Variants in CTNNA2 observed in about 807,000 individuals in gnomAD.
CTNNA2 encodes catenin alpha-2.
Under a neutral mutation model 101.0 loss-of-function variants are expected in CTNNA2, and 42 were observed. That is an observed-to-expected ratio of 0.42 (90% confidence interval 0.32 to 0.54). The LOEUF is 0.54. Ranked by LOEUF, CTNNA2 falls within the 20% of genes least tolerant of loss-of-function variation. The probability of loss-of-function intolerance (pLI) is 0.14; values close to 1 mark genes in which losing one functional copy is unlikely to be tolerated. For synonymous variants in CTNNA2, 450 were observed against 456.4 expected (o/e 0.99, Z 0.18); for missense variants, 871 against 1,223.1 (o/e 0.71, Z 4.29).
At chr2:79,338,811 C>T (rs2104426188) in intron 3 of CTNNA2, among the ~76,000 whole-genome samples, 1 of 152,060 alleles carries the variant, frequency 6.6e-6, no homozygotes, top group South Asian at 2.1e-4. Context: ...GTAAAATCAA[C>T]AGGATTTGGT....
intron 7 of CTNNA2, among the ~76,000 whole-genome samples, chr2:80,115,629 G>A (rs532355469): frequency 4.6e-5 from 7 of 152,268 alleles, no homozygotes; most frequent in East Asian, 3.9e-4. Context: ...CATGAATAAC[G>A]TGGTGTGCAC....
In CTNNA2 at chr2:80,209,955, A is replaced by C. The variant is rs2149033296; in HGVS notation, c.1057-183256A>C. ...AATGTAGAAAATGAATATCTTCAGTAATCCTATTTCCTAAGATAACTGCTG... is the reference window on the plus strand; with the variant it reads ...AATGTAGAAAATGAATATCTTCAGTCATCCTATTTCCTAAGATAACTGCTG... On this transcript the variant is annotated intron_variant, in intron 7 of 18. Coordinates refer to ENST00000402739, the MANE Select transcript of CTNNA2 (RefSeq NM_001282597.3). Among the ~76,000 whole-genome samples the C allele has an allele frequency of 2.0e-5, 3 of 152,368 alleles. 1 individual carries two copies. In the Middle Eastern group the frequency reaches 0.01, roughly 525 times the overall value.
intron 4 of CTNNA2, among the ~76,000 whole-genome samples, chr2:79,455,460 C>G (rs1670810250): frequency 6.6e-6 from 1 of 152,122 alleles, no homozygotes; most frequent in South Asian, 2.1e-4. Context: ...TCAGGCCACC[C>G]TCTCTCCACA....
intron 16 of CTNNA2, 109 bp downstream of exon 16, chr2:80,604,288 A>T: frequency 1.3e-6 from 1 of 782,894 alleles, no homozygotes; most frequent in Non-Finnish European, 2.2e-6. Context: ...AGAATGAATC[A>T]GAGGGGAGAA....
intron 9 of CTNNA2, among the ~76,000 whole-genome samples, chr2:80,423,403 A>G (rs1266787853): frequency 6.6e-6 from 1 of 152,220 alleles, no homozygotes; most frequent in Non-Finnish European, 1.5e-5. Context: ...TGGGTCCAAT[A>G]TACTCAAAAC....
intron 7 of CTNNA2, among the ~76,000 whole-genome samples, chr2:80,306,067 A>G (rs184936708): frequency 1.3e-5 from 2 of 152,338 alleles, no homozygotes; most frequent in Non-Finnish European, 2.9e-5. Context: ...AGGCCAACCA[A>G]TGGAATCAAA....
intron 4 of CTNNA2, among the ~76,000 whole-genome samples, chr2:79,463,332 C>A (rs1341469153): frequency 6.7e-6 from 1 of 150,054 alleles, no homozygotes; most frequent in African/African-American, 2.5e-5. Context: ...AGCTTGAACC[C>A]AGGAGGTGGA....
chr2:79,218,340 TG>T (rs1674294831), intron 2 of CTNNA2, among the ~76,000 whole-genome samples: 1 of 80,558 alleles, frequency 1.2e-5, no homozygotes, highest in Non-Finnish European at 2.7e-5. Flanking sequence ...TGTGTGTGTG[TG>T]TGTGTGTGTA....
intron 3 of CTNNA2, among the ~76,000 whole-genome samples, chr2:79,339,072 A>T (rs1044444021): frequency 6.6e-6 from 1 of 152,120 alleles, no homozygotes; most frequent in Non-Finnish European, 1.5e-5. Context: ...CTTGGAAATC[A>T]CTCACGTGGA....
At chr2:79,729,009 G>A (rs886662281) in intron 2 of CTNNA2, among the ~76,000 whole-genome samples, 1 of 152,050 alleles carries the variant, frequency 6.6e-6, no homozygotes, top group Non-Finnish European at 1.5e-5. Flanking sequence ...GTCAGGTAGC[G>A]TGATGCTATA....
In CTNNA2 at chr2:80,569,633, GTTTTTTTTTTTTTT is replaced by G. The variant is rs70940088; in HGVS notation, c.1742-4516_1742-4503del. 2.7e-4 allele frequency among the ~76,000 whole-genome samples: 14 copies of G among 51,736 alleles called. 2 individuals carry two copies. In the South Asian group the frequency reaches 3.5e-3, roughly 13 times the overall value. 33.9% of individuals were successfully genotyped at this position (51,736 alleles called of 152,430 possible). On this transcript the variant is annotated intron_variant, in intron 12 of 18. Coordinates refer to ENST00000402739, the MANE Select transcript of CTNNA2 (RefSeq NM_001282597.3). The stretch of plus-strand genomic sequence containing the variant: ...TCAGTATTACTTTTGGGGTATTTAG[GTTTTTTTTTTTTTT>G]TTTTTTTTTTTTTGAGATGGAGTCT...
At chr2:79,515,143 C>T (rs1371847179) in intron 1 of CTNNA2, among the ~76,000 whole-genome samples, 1 of 152,152 alleles carries the variant, frequency 6.6e-6, no homozygotes, top group East Asian at 1.9e-4. Flanking sequence ...ACTCTTCAGC[C>T]ATGTAACTAA....
chr2:80,028,819 T>C (rs920738875), intron 7 of CTNNA2, among the ~76,000 whole-genome samples: 1 of 152,210 alleles, frequency 6.6e-6, no homozygotes, highest in African/African-American at 2.4e-5. Flanking sequence ...GCAGATGGCC[T>C]CTAGAAGTGC....
At chr2:80,043,073 TTCTTTCTTTCTTTCTTTCTTTCTCTCTC>T (rs1399442169) in intron 7 of CTNNA2, among the ~76,000 whole-genome samples, 4,805 of 58,232 alleles carry the variant, frequency 0.083, 285 homozygotes, top group African/African-American at 0.098. Flanking sequence ...CTTTCTTTCT[TTCTTTCTTTCTTTCTTTCTTTCTCTCTC>T]TCTCTCTCTC....
chr2:79,870,869 A>G (rs1049515504), intron 5 of CTNNA2, among the ~76,000 whole-genome samples: 1 of 152,072 alleles, frequency 6.6e-6, no homozygotes, highest in Non-Finnish European at 1.5e-5. Flanking sequence ...ACACATGGGG[A>G]TTATAGGTCC....
At position 80,619,182 on chromosome 2, in the gene CTNNA2, G is replaced by A. The variant is rs969695905; in HGVS notation, c.2528G>A (p.Cys843Tyr). The change falls in exon 18 of 19, where the codon TGT becomes TAT. Residue 843 changes from cysteine to tyrosine, a missense_variant. Physicochemically the swap from Cys to Tyr is radical, Grantham distance 194. This residue lies in a region of CTNNA2 where 65 missense variants were observed against 53.3 expected (regional missense o/e 1.22). Transcript: ENST00000402739. ...ASQLSTHLPTCAEGAPIGSGS... is the reference protein window; with the variant it reads ...ASQLSTHLPTYAEGAPIGSGS... ...CAACTTTCTACCCACCTCCCAACCT[G>A]TGCTGAGGGAGCTCCGATCGGGAGT... The A allele has an allele frequency of 6.3e-7, 1 of 1,587,058 alleles. No homozygotes were observed. The highest frequency in any genetic ancestry group is 8.6e-7 in the Non-Finnish European group (1 of 1,166,214).
chr2:80,366,724 G>A (rs1175677005), intron 7 of CTNNA2, among the ~76,000 whole-genome samples: 3 of 152,060 alleles, frequency 2.0e-5, no homozygotes, highest in East Asian at 1.9e-4. Context: ...CAGGCATATC[G>A]CTGTGAACCC....
intron 3 of CTNNA2, among the ~76,000 whole-genome samples, chr2:79,794,375 C>T (rs1675530061): frequency 6.6e-6 from 1 of 152,144 alleles, no homozygotes; most frequent in East Asian, 1.9e-4. Context: ...GATTAGAATG[C>T]TTAATATGAA....
At chr2:80,459,350 G>A (rs1198799725) in intron 9 of CTNNA2, among the ~76,000 whole-genome samples, 2 of 152,146 alleles carry the variant, frequency 1.3e-5, no homozygotes, top group South Asian at 2.1e-4. Flanking sequence ...CTGAGGTGCT[G>A]ATGAGAGGAC....
Sources: allele counts gnomAD v4.1 joint callset (sites outside exome capture counted in the v4.1 genomes callset), GRCh38; gene constraint gnomAD v4.1.1; regional missense constraint gnomAD v4.1.1; transcripts MANE v1.5; gene names NCBI Gene and HGNC (gene_info 2026-07-23, HGNC 2026-07-21).